Variants in KIF20A observed in about 807,000 individuals in gnomAD.
The protein encoded by KIF20A is kinesin family member 20A, also known as kinesin-like protein KIF20A.
KIF20A carries 66 observed loss-of-function variants against 113.0 expected under a neutral mutation model. The observed-to-expected ratio is 0.58, with a 90% CI of 0.48 to 0.72. KIF20A has a LOEUF of 0.72. KIF20A is among the 30% of genes least tolerant of loss of function. The pLI is 0.00. For missense variants in KIF20A, 927 were observed against 1,077.6 expected, an observed-to-expected ratio of 0.86 and a Z score of 1.96; for synonymous variants, 376 against 402.3, an observed-to-expected ratio of 0.93 and a Z score of 0.78.
chr5:138,186,542 A>T, intron 18 of KIF20A, 111 bp downstream of exon 18: 1 of 1,156,564 alleles, frequency 8.6e-7, no homozygotes, highest in Non-Finnish European at 1.2e-6. Context: ...CTGAATTTAT[A>T]GTGAGAGCAG....
chr5:138,184,562 C>G lies in KIF20A; in HGVS notation c.1569C>G (p.Phe523Leu). The change falls in exon 13 of 19, where the codon TTC becomes TTG. Residue 523 changes from phenylalanine to leucine, a missense_variant. Phe to Leu is a conservative substitution (Grantham distance 22). Transcript: ENST00000394894. The stretch of plus-strand genomic sequence containing the variant: ...TGGGATTCCCATCCCTGCACTCGTT[C>G]ATCAAGGAACATAGTCTTCAGGTAT... Reference protein sequence around the residue: ...MQLGFPSLHSFIKEHSLQVSP... With the variant: ...MQLGFPSLHSLIKEHSLQVSP... The G allele has an allele frequency of 6.2e-7, 1 of 1,614,130 alleles. No individual in the cohort carries two copies. Among genetic ancestry groups the G allele is most frequent in the South Asian group, 1.1e-5 (1 of 91,074 alleles).
chr5:138,179,562 A>G (rs1754600418), intron 1 of KIF20A, 98 bp from the exon 2 acceptor site: 8 of 869,044 alleles, frequency 9.2e-6, no homozygotes, highest in Non-Finnish European at 1.4e-5. Context: ...AGGAAGCGGG[A>G]CACGGTGTCC....
intron 5 of KIF20A, 22 bp downstream of exon 5, chr5:138,182,483 G>C: frequency 6.2e-7 from 1 of 1,612,984 alleles, no homozygotes. Context: ...GCCTTCACGG[G>C]ATTCCTGATT....
At chr5:138,184,147 A>G (rs947548892) in intron 11 of KIF20A, 42 bp downstream of exon 11, 4 of 1,612,992 alleles carry the variant, frequency 2.5e-6, no homozygotes, top group Non-Finnish European at 2.5e-6. Context: ...CAATTTGCTA[A>G]GAGACTTCCT....
At position 138,182,960 on chromosome 5, in the gene KIF20A, A is replaced by G; in HGVS notation, c.802A>G (p.Ser268Gly). Residue 268 changes from serine (S) to glycine (G), a missense_variant, in exon 7 of 19, where the codon AGT becomes GGT. Physicochemically the swap from Ser to Gly is moderately conservative, Grantham distance 56. Coordinates refer to ENST00000394894, the MANE Select transcript of KIF20A (RefSeq NM_005733.3). Reference protein sequence around the residue: ...DSGIAGLSSISQCTSSSQLDE... With the variant: ...DSGIAGLSSIGQCTSSSQLDE... ...TGGCATTGCTGGGCTCTCTTCTATCAGTCAGTGTACCAGCAGTAGCCAGCT... is the reference window on the plus strand; with the variant it reads ...TGGCATTGCTGGGCTCTCTTCTATCGGTCAGTGTACCAGCAGTAGCCAGCT... 1.9e-6 allele frequency: 3 copies of G among 1,614,184 alleles called. No individual in the cohort carries two copies. In the East Asian group the frequency reaches 6.7e-5, roughly 36 times the overall value.
At chr5:138,180,982 G>A (rs1754652277) in intron 2 of KIF20A, among the ~76,000 whole-genome samples, 1 of 152,168 alleles carries the variant, frequency 6.6e-6, no homozygotes, top group African/African-American at 2.4e-5. Context: ...CAGCCTCTAA[G>A]TATCTGTTGA....
At chr5:138,184,426 G>A in intron 12 of KIF20A, 22 bp downstream of exon 12, 1 of 1,613,900 alleles carries the variant, frequency 6.2e-7, no homozygotes, top group East Asian at 2.2e-5. Context: ...GAGGTGTGAT[G>A]GGTGTGCGCA....
rs199865484 is a variant in KIF20A, at chr5:138,181,683, T to C, written c.330T>C (p.Asn110=). 73 of 1,614,060 alleles carry C rather than the reference T, an allele frequency of 4.5e-5. No individual in the cohort carries two copies. Among genetic ancestry groups the C allele is most frequent in the Non-Finnish European group, 6.2e-5 (73 of 1,180,040 alleles). Residue 110 remains asparagine, a synonymous_variant, in exon 4 of 19, where the codon AAT becomes AAC. Coordinates refer to ENST00000394894, the MANE Select transcript of KIF20A (RefSeq NM_005733.3). ...APKDSFALKS[N]ERGIGQATHR... ...AGGACTCTTTTGCCCTGAAGAGCAATGAACGGGGAATTGGCCAAGCCACAC... is the reference window on the plus strand; with the variant it reads ...AGGACTCTTTTGCCCTGAAGAGCAACGAACGGGGAATTGGCCAAGCCACAC...
chr5:138,185,373 G>C (rs1754727568), intron 15 of KIF20A, 139 bp from the exon 16 acceptor site: 1 of 894,878 alleles, frequency 1.1e-6, no homozygotes, highest in Non-Finnish European at 1.8e-6. Flanking sequence ...TAAGGGTTTA[G>C]TTGGCCAGGA....
chr5:138,182,732 G>A lies in KIF20A; in HGVS notation c.661G>A (p.Glu221Lys). 6.2e-7 allele frequency: 1 copy of A among 1,613,982 alleles called. No individual in the cohort carries two copies. Among genetic ancestry groups the A allele is most frequent in the Non-Finnish European group, 8.5e-7 (1 of 1,180,034 alleles). Residue 221 changes from glutamate to lysine, a missense_variant, in exon 6 of 19, where the codon GAA becomes AAA. Physicochemically the swap from Glu to Lys is moderately conservative, Grantham distance 56. Coordinates refer to ENST00000394894, the MANE Select transcript of KIF20A (RefSeq NM_005733.3). ...WLDSKQIRQE[E>K]MKKLSLLNGG... ...AGACAGCAAGCAGATCCGACAGGAGGAAATGAAGAAGCTGTCCCTGCTAAA... is the reference window on the plus strand; with the variant it reads ...AGACAGCAAGCAGATCCGACAGGAGAAAATGAAGAAGCTGTCCCTGCTAAA...
chr5:138,185,346 A>G lies in KIF20A; in HGVS notation c.1926+149A>G, dbSNP rs188783990. On this transcript the variant is annotated intron_variant, in intron 15 of 18. Coordinates refer to ENST00000394894, the MANE Select transcript of KIF20A (RefSeq NM_005733.3). ...CCCCATAGTGCTTTGGGTTCAATCT[A>G]TGTTTGGTGAATTGATTAAGGGTTT... 3,747 of 847,568 alleles carry G rather than the reference A, an allele frequency of 4.4e-3. 34 individuals carry two copies. Among genetic ancestry groups the G allele is most frequent in the Non-Finnish European group, 3.4e-3 (1,770 of 526,460 alleles). The allele number at this position is 847,568 out of a possible 1,614,324, so 52.5% of individuals were successfully genotyped here. A position where few individuals can be genotyped will look rare whatever the true frequency, so the allele number is the denominator to read the frequency against.
At chr5:138,185,854 G>A (rs1754735350) in intron 16 of KIF20A, 107 bp from the exon 17 acceptor site, 2 of 1,305,022 alleles carry the variant, frequency 1.5e-6, no homozygotes, top group African/African-American at 2.9e-5. Context: ...GATACACATA[G>A]CCTCACTTTT....
At position 138,184,575 on chromosome 5, in the gene KIF20A, A is replaced by T. The variant is rs1317137533; in HGVS notation, c.1582A>T (p.Ser528Cys). Residue 528 changes from serine to cysteine, a missense_variant, in exon 13 of 19, where the codon AGT becomes TGT. Physicochemically the swap from Ser to Cys is moderately radical, Grantham distance 112 (BLOSUM62 -1). Coordinates refer to ENST00000394894, the MANE Select transcript of KIF20A (RefSeq NM_005733.3). Reference sequence around the variant, plus strand: ...CCTGCACTCGTTCATCAAGGAACATAGTCTTCAGGTATCCCCCAGCTTAGA... The same window carrying T: ...CCTGCACTCGTTCATCAAGGAACATTGTCTTCAGGTATCCCCCAGCTTAGA... ...PSLHSFIKEHSLQVSPSLEKG... is the reference protein window; with the variant it reads ...PSLHSFIKEHCLQVSPSLEKG... 6.2e-6 allele frequency: 10 copies of T among 1,614,080 alleles called. No individual in the cohort carries two copies.
At chr5:138,179,971 C>A in intron 2 of KIF20A, 126 bp downstream of exon 2, 7 of 922,942 alleles carry the variant, frequency 7.6e-6, no homozygotes, top group South Asian at 5.5e-5. Context: ...AAATTAAGGG[C>A]ATTTAGGACA....
At chr5:138,185,843 G>C (rs1754735019) in intron 16 of KIF20A, 118 bp from the exon 17 acceptor site, 2 of 1,297,956 alleles carry the variant, frequency 1.5e-6, no homozygotes, top group Non-Finnish European at 2.2e-6. Flanking sequence ...TTTCAATCTA[G>C]GATACACATA....
Position 138,183,411 on chromosome 5 carries a change from GGA to G in KIF20A, c.1027+53_1028-53del, listed in dbSNP as rs1754692421. The G allele has an allele frequency of 6.2e-7, 1 of 1,612,276 alleles. No homozygotes were observed. Among genetic ancestry groups the G allele is most frequent in the African/African-American group, 1.3e-5 (1 of 74,874 alleles). The stretch of plus-strand genomic sequence containing the variant: ...GGCATGAACCCTGGAGGGCAACTGG[GGA>G]GAGACTGGCAAAAGAGTTGGATGTT... On this transcript the variant is annotated intron_variant, in intron 8 of 18. Transcript: ENST00000394894. The surrounding 1 kb of genome is among the most constrained non-coding windows in gnomAD (Gnocchi z 5.2).
chr5:138,181,255 T>C (rs565009031), intron 2 of KIF20A, among the ~76,000 whole-genome samples, 167 bp from the exon 3 acceptor site: 1 of 152,346 alleles, frequency 6.6e-6, no homozygotes, highest in South Asian at 2.1e-4. Flanking sequence ...GTAGTAAAAA[T>C]GTCCATGTGG....
intron 17 of KIF20A, 102 bp from the exon 18 acceptor site, chr5:138,186,192 G>A (rs529029461): frequency 6.2e-5 from 94 of 1,514,090 alleles, no homozygotes; most frequent in Admixed American, 2.9e-4. Flanking sequence ...CAGCTGACTA[G>A]CCTTTCTAAT....
In KIF20A at chr5:138,187,169, T is replaced by C. The variant is rs1561631275; in HGVS notation, c.2429T>C (p.Ile810Thr). 1 of 1,614,112 alleles carries C rather than the reference T, an allele frequency of 6.2e-7. No individual in the cohort carries two copies. The highest frequency in any genetic ancestry group is 1.7e-5 in the Admixed American group (1 of 60,000). Reference sequence around the variant, plus strand: ...GACCTTCGGAAGAAGGCAGCATGTATTGCTGAGCAGTATCATACTGTGTTG... The same window carrying C: ...GACCTTCGGAAGAAGGCAGCATGTACTGCTGAGCAGTATCATACTGTGTTG... The part of the protein sequence containing the change: ...KLDLRKKAAC[I>T]AEQYHTVLKL... Residue 810 changes from isoleucine to threonine, a missense_variant, in exon 19 of 19, where the codon ATT becomes ACT. Coordinates refer to ENST00000394894, the MANE Select transcript of KIF20A (RefSeq NM_005733.3).
Sources: allele counts gnomAD v4.1 joint callset (sites outside exome capture counted in the v4.1 genomes callset), GRCh38; gene constraint gnomAD v4.1.1; non-coding constraint Gnocchi (gnomAD v3.1); transcripts MANE v1.5; gene names NCBI Gene and HGNC (gene_info 2026-07-23, HGNC 2026-07-21).